Variants in SRRM3 observed in about 807,000 individuals in gnomAD.
SRRM3 encodes serine/arginine repetitive matrix protein 3.
In SRRM3, 27 loss-of-function variants were observed where a neutral mutation model predicts 66.2. The observed-to-expected ratio is 0.41, with a 90% CI of 0.30 to 0.56. The LOEUF (loss-of-function observed/expected upper bound fraction) is 0.56. Among genes scored for constraint, SRRM3 ranks in the 20% least tolerant of loss-of-function variants. The pLI, the probability that SRRM3 is intolerant of heterozygous loss-of-function variation, is 0.32. For synonymous variants in SRRM3, 391 were observed against 414.9 expected, an observed-to-expected ratio of 0.94 and a Z score of 0.70; for missense variants, 918 against 991.9, an observed-to-expected ratio of 0.93 and a Z score of 1.00.
In SRRM3 at chr7:76,285,576, G is replaced by A. The variant is rs1554612628; in HGVS notation, c.1734-39G>A. On this transcript the variant is annotated intron_variant, in intron 14 of 14. Coordinates refer to ENST00000611745, the MANE Select transcript of SRRM3 (RefSeq NM_001110199.3). This position sits in a 1 kb window ranked among gnomAD's most constrained non-coding sequence, Gnocchi z 4.1. ...GGCCGCTGCTGGGATGGGGCTCGGGGCCTGGGATGGCCTGTAATCAGCTTT... is the reference window on the plus strand; with the variant it reads ...GGCCGCTGCTGGGATGGGGCTCGGGACCTGGGATGGCCTGTAATCAGCTTT... The A allele has an allele frequency of 6.6e-7, 1 of 1,516,218 alleles. No individual in the cohort carries two copies. The highest frequency in any genetic ancestry group is 2.0e-5 in the Admixed American group (1 of 50,226). The allele number at this position is 1,516,218 out of a possible 1,614,324, so 93.9% of individuals were successfully genotyped here.
intron 11 of SRRM3, among the ~76,000 whole-genome samples, chr7:76,277,524 T>C (rs1802377960): frequency 6.6e-6 from 1 of 151,572 alleles, no homozygotes; most frequent in Non-Finnish European, 1.5e-5. Flanking sequence ...TGAAACCCCG[T>C]CTCTACTAAA....
chr7:76,261,633 C>T (rs550527821), intron 8 of SRRM3, 52 bp downstream of exon 8: 2 of 1,574,730 alleles, frequency 1.3e-6, no homozygotes, highest in South Asian at 1.2e-5. Context: ...AGGACCAAAG[C>T]CCAAAGGACG....
chr7:76,238,452 A>G (rs1801201126), intron 2 of SRRM3, among the ~76,000 whole-genome samples: 1 of 152,148 alleles, frequency 6.6e-6, no homozygotes, highest in Non-Finnish European at 1.5e-5. Flanking sequence ...TTAAAAAGCA[A>G]TCCTTTTCCT....
intron 1 of SRRM3, among the ~76,000 whole-genome samples, chr7:76,219,949 C>G (rs1314255760): frequency 2.0e-5 from 3 of 152,032 alleles, no homozygotes; most frequent in Non-Finnish European, 2.9e-5. Context: ...AGGCTGGACT[C>G]GAGGGCTTAC....
At position 76,260,908 on chromosome 7, in the gene SRRM3, G is replaced by T; in HGVS notation, c.575+5G>T. The T allele has an allele frequency of 6.4e-7, 1 of 1,560,448 alleles. No homozygotes were observed. Among genetic ancestry groups the T allele is most frequent in the South Asian group, 1.2e-5 (1 of 84,590 alleles). On this transcript the variant is annotated splice_donor_5th_base_variant and intron_variant, in intron 6 of 14. Coordinates refer to ENST00000611745, the MANE Select transcript of SRRM3 (RefSeq NM_001110199.3). ...GAGACTGGAGTCCGAATGCAGGTCA[G>T]TGGGGACAGAGCTGGCTGGGGCCAG... is the stretch of plus-strand genomic sequence containing the variant.
Position 76,285,858 on chromosome 7 carries a change from AGCTTG to A in SRRM3, c.*17_*21del. 6.5e-7 allele frequency: 1 copy of A among 1,540,314 alleles called. No homozygotes were observed. Among genetic ancestry groups the A allele is most frequent in the Non-Finnish European group, 8.8e-7 (1 of 1,139,684 alleles). Reference sequence around the variant, plus strand: ...GGGGCTTCTGAGCCCAGACAGACTCAGCTTGGTGCCCCCCTGGCACTGGGAGAGGC... The same window carrying A: ...GGGGCTTCTGAGCCCAGACAGACTCAGTGCCCCCCTGGCACTGGGAGAGGC... On this transcript the variant is annotated 3_prime_UTR_variant, in exon 15 of 15. Coordinates refer to ENST00000611745, the MANE Select transcript of SRRM3 (RefSeq NM_001110199.3). The surrounding 1 kb of genome is among the most constrained non-coding windows in gnomAD (Gnocchi z 4.1).
intron 1 of SRRM3, among the ~76,000 whole-genome samples, chr7:76,209,261 G>C (rs1800374003): frequency 6.6e-6 from 1 of 152,212 alleles, no homozygotes; most frequent in South Asian, 2.1e-4. Context: ...CTCTGCCTCT[G>C]ACCTTGAGGA....
rs782675508 is a variant in SRRM3, at chr7:76,260,206, C to A, written c.545+9C>A. 3.3e-6 allele frequency: 5 copies of A among 1,527,570 alleles called. No homozygotes were observed. Among genetic ancestry groups the A allele is most frequent in the South Asian group, 1.2e-5 (1 of 82,310 alleles). 94.6% of individuals were successfully genotyped at this position (1,527,570 alleles called of 1,614,324 possible). The stretch of plus-strand genomic sequence containing the variant: ...GGCCACCGGAGAAGCCGGTGAGAAC[C>A]GCGCCTGACCGGAGCGGGAAGGGAG... On this transcript the variant is annotated intron_variant, in intron 5 of 14. Coordinates refer to ENST00000611745, the MANE Select transcript of SRRM3 (RefSeq NM_001110199.3).
intron 1 of SRRM3, among the ~76,000 whole-genome samples, chr7:76,233,542 A>T (rs905217774): frequency 8.5e-5 from 13 of 152,056 alleles, no homozygotes; most frequent in African/African-American, 3.1e-4. Context: ...GTCCTGGGAA[A>T]ACCCCTGGTG....
At chr7:76,246,179 T>C (rs1554606150) in intron 2 of SRRM3, among the ~76,000 whole-genome samples, 1 of 152,198 alleles carries the variant, frequency 6.6e-6, no homozygotes, top group African/African-American at 2.4e-5. Context: ...CTGTGCAAAG[T>C]GCTATAATGA....
chr7:76,236,502 C>G (rs1801158081), intron 2 of SRRM3, among the ~76,000 whole-genome samples: 1 of 152,130 alleles, frequency 6.6e-6, no homozygotes, highest in Non-Finnish European at 1.5e-5. Flanking sequence ...CTGTGTCCTT[C>G]AGTCCTTCCA....
chr7:76,275,975 G>A (rs1308581743), intron 11 of SRRM3, among the ~76,000 whole-genome samples: 1 of 152,120 alleles, frequency 6.6e-6, no homozygotes, highest in Non-Finnish European at 1.5e-5. Flanking sequence ...AGCTACTGAG[G>A]AGGCTGAGGT....
chr7:76,285,095 ACT>A lies in SRRM3; in HGVS notation c.1734-517_1734-516del, dbSNP rs1802625316. On this transcript the variant is annotated intron_variant, in intron 14 of 14. Transcript: ENST00000611745. The surrounding 1 kb of genome is among the most constrained non-coding windows in gnomAD (Gnocchi z 4.1). ...GTTTTTTTTTTTGAGACGGAGTCTC[ACT>A]CTGTCACCCAGGCTGGAGTGCAGTG... Among the ~76,000 whole-genome samples the A allele has an allele frequency of 6.6e-6, 1 of 151,458 alleles. No homozygotes were observed. The highest frequency in any genetic ancestry group is 1.5e-5 in the Non-Finnish European group (1 of 67,862).
chr7:76,282,225 C>T (rs2117118882), intron 12 of SRRM3, among the ~76,000 whole-genome samples: 1 of 146,228 alleles, frequency 6.8e-6, no homozygotes, highest in African/African-American at 2.5e-5. Flanking sequence ...ACACTGATCC[C>T]AGCCCCCCGA....
At chr7:76,239,049 T>G (rs1801217627) in intron 2 of SRRM3, among the ~76,000 whole-genome samples, 2 of 152,044 alleles carry the variant, frequency 1.3e-5, no homozygotes, top group Non-Finnish European at 2.9e-5. Context: ...TGTTTTTCCC[T>G]TAGGCGGAGT....
intron 3 of SRRM3, among the ~76,000 whole-genome samples, chr7:76,259,544 C>A (rs1801800799): frequency 6.7e-6 from 1 of 150,236 alleles, no homozygotes; most frequent in Non-Finnish European, 1.5e-5. Context: ...ACCGCTGCAA[C>A]CCAGCCTGAG....
chr7:76,209,109 C>T (rs1373792246), intron 1 of SRRM3, among the ~76,000 whole-genome samples: 2 of 152,064 alleles, frequency 1.3e-5, no homozygotes, highest in African/African-American at 4.8e-5. Flanking sequence ...CAAAAAAGCA[C>T]CCCAGGAAGG....
chr7:76,204,264 T>G (rs1800238751), intron 1 of SRRM3, among the ~76,000 whole-genome samples: 1 of 152,100 alleles, frequency 6.6e-6, no homozygotes, highest in Admixed American at 6.5e-5. Context: ...TCATAGCTCT[T>G]CCTGTCTCAG....
intron 2 of SRRM3, among the ~76,000 whole-genome samples, chr7:76,242,271 G>C (rs1308439372): frequency 1.3e-5 from 2 of 152,158 alleles, no homozygotes; most frequent in Non-Finnish European, 2.9e-5. Context: ...GATCACCTGA[G>C]GTCGGGAGTT....
Sources: gnomAD v4.1 joint callset for allele counts (sites outside exome capture counted in the v4.1 genomes callset) on GRCh38, gnomAD v4.1.1 for gene constraint, Gnocchi (gnomAD v3.1) non-coding constraint, MANE v1.5 for transcripts, NCBI Gene and HGNC (gene_info 2026-07-23, HGNC 2026-07-21) for gene names.